The following CEP128 variants were observed in gnomAD, a reference collection of about 807,000 sequenced individuals.
The protein encoded by CEP128 is centrosomal protein 128kDa.
Under a neutral mutation model 156.7 loss-of-function variants are expected in CEP128, and 132 were observed. The observed-to-expected ratio is 0.84, with a 90% CI of 0.73 to 0.97. CEP128 has a LOEUF of 0.97. CEP128 is among the 50% of genes least tolerant of loss of function. CEP128 has a pLI of 0.00. For synonymous variants in CEP128, 469 were observed against 448.9 expected, an observed-to-expected ratio of 1.04 and a Z score of -0.57; for missense variants, 1,252 against 1,281.9, an observed-to-expected ratio of 0.98 and a Z score of 0.36.
intron 19 of CEP128, among the ~76,000 whole-genome samples, chr14:80,678,049 AATATATATATATATG>A (rs1896152892): frequency 2.0e-5 from 2 of 98,502 alleles, no homozygotes; most frequent in Non-Finnish European, 2.6e-5. Context: ...ATAAAAAAAA[AATATATATATATATG>A]TATATATATA....
rs61380662 is a variant in CEP128 at position 80,940,547 on chromosome 14, C to A, written c.-171-1007G>T. Among the ~76,000 whole-genome samples the A allele has an allele frequency of 2.6e-5, 4 of 151,506 alleles. No homozygotes were observed. In the East Asian group the frequency reaches 5.8e-4, roughly 22 times the overall value. Reference sequence around the variant, plus strand: ...TTTAATGTACAGCCAGGCATGGTGGCGAGTGCCTGTAATCCCAGCTACTCC... The same window carrying A: ...TTTAATGTACAGCCAGGCATGGTGGAGAGTGCCTGTAATCCCAGCTACTCC... On this transcript the variant is annotated intron_variant, in intron 1 of 24. Transcript: ENST00000555265.
At chr14:80,877,124 T>C (rs1444225782) in intron 8 of CEP128, among the ~76,000 whole-genome samples, 1 of 152,144 alleles carries the variant, frequency 6.6e-6, no homozygotes, top group Non-Finnish European at 1.5e-5. Context: ...TTAGTTTTGA[T>C]ATTTTAAAGA....
chr14:80,591,838 C>CA (rs1892084485), intron 19 of CEP128, among the ~76,000 whole-genome samples: 1 of 152,150 alleles, frequency 6.6e-6, no homozygotes, highest in Non-Finnish European at 1.5e-5. Context: ...AATTAGAACT[C>CA]AGGATTAAGA....
chr14:80,625,881 T>C (rs543236972), intron 19 of CEP128, among the ~76,000 whole-genome samples: 2 of 152,206 alleles, frequency 1.3e-5, no homozygotes, highest in African/African-American at 4.8e-5. Flanking sequence ...CTTCTTTCTT[T>C]TTGTTACTCT....
At chr14:80,955,247 AAGGC>A in intron 2 of CEP128, 1 of 320,626 alleles carries the variant, frequency 3.1e-6, no homozygotes, top group Non-Finnish European at 6.0e-6. Context: ...GGGTGTCTAG[AAGGC>A]TACACGCTAG....
intron 23 of CEP128, among the ~76,000 whole-genome samples, chr14:80,520,391 C>T (rs1888682953): frequency 1.3e-5 from 2 of 151,546 alleles, no homozygotes; most frequent in Admixed American, 1.3e-4. Flanking sequence ...TGCACTCCAG[C>T]CTGGGTGACA....
At chr14:80,695,283 T>A (rs1896853715) in intron 19 of CEP128, among the ~76,000 whole-genome samples, 1 of 152,164 alleles carries the variant, frequency 6.6e-6, no homozygotes, top group Non-Finnish European at 1.5e-5. Context: ...TCTCCATTTG[T>A]CTAGAGAGAG....
chr14:80,897,787 T>C (rs1889416645), intron 7 of CEP128, among the ~76,000 whole-genome samples: 2 of 152,160 alleles, frequency 1.3e-5, no homozygotes, highest in South Asian at 2.1e-4. Context: ...AAATCAATTT[T>C]TTTTTCCTTT....
chr14:80,952,304 C>A (rs1023661096), intron 2 of CEP128, among the ~76,000 whole-genome samples: 1 of 151,898 alleles, frequency 6.6e-6, no homozygotes. Context: ...TCAAGTTATA[C>A]AAACTATTTT....
chr14:80,679,646 T>C (rs997258662), intron 19 of CEP128, among the ~76,000 whole-genome samples: 1 of 152,196 alleles, frequency 6.6e-6, no homozygotes, highest in African/African-American at 2.4e-5. Context: ...TCAGGAGTTT[T>C]TGATTTTGCC....
At chr14:80,729,601 T>C (rs938159924) in intron 19 of CEP128, among the ~76,000 whole-genome samples, 20 of 152,288 alleles carry the variant, frequency 1.3e-4, no homozygotes, top group African/African-American at 4.8e-4. Flanking sequence ...CTTTAGGGAA[T>C]ATCCGTATTG....
intron 13 of CEP128, among the ~76,000 whole-genome samples, chr14:80,822,302 T>C (rs894146812): frequency 6.6e-6 from 1 of 152,092 alleles, no homozygotes; most frequent in Non-Finnish European, 1.5e-5. Flanking sequence ...CTAGATACAA[T>C]GGGGGTACAG....
intron 19 of CEP128, among the ~76,000 whole-genome samples, chr14:80,648,884 A>G (rs2140838084): frequency 6.6e-6 from 1 of 152,228 alleles, no homozygotes; most frequent in South Asian, 2.1e-4. Flanking sequence ...ACTAGGGAAC[A>G]ATGTTAAAGT....
intron 23 of CEP128, among the ~76,000 whole-genome samples, chr14:80,525,751 A>G (rs909276148): frequency 6.6e-6 from 1 of 152,174 alleles, no homozygotes; most frequent in Non-Finnish European, 1.5e-5. Context: ...AACCTGTCCT[A>G]ATTGTGTTAA....
intron 13 of CEP128, among the ~76,000 whole-genome samples, chr14:80,803,397 G>T (rs185734775): frequency 1.9e-4 from 29 of 148,976 alleles, no homozygotes; most frequent in Admixed American, 3.3e-4. Flanking sequence ...AACAAAAGAA[G>T]TTAATTTAAC....
At chr14:80,557,865 G>A (rs1594998970) in intron 21 of CEP128, among the ~76,000 whole-genome samples, 2 of 151,014 alleles carry the variant, frequency 1.3e-5, no homozygotes, top group South Asian at 2.1e-4. Flanking sequence ...AAATCACTAC[G>A]ACTAAGATAC....
At chr14:80,949,609 G>A (rs527990541) in intron 2 of CEP128, among the ~76,000 whole-genome samples, 27 of 152,072 alleles carry the variant, frequency 1.8e-4, no homozygotes, top group African/African-American at 5.8e-4. Flanking sequence ...GTATTGCCTC[G>A]GGAATGAGGA....
intron 9 of CEP128, among the ~76,000 whole-genome samples, chr14:80,857,215 CTTTT>C (rs34279371): frequency 1.5e-5 from 2 of 137,380 alleles, no homozygotes; most frequent in East Asian, 2.1e-4. Flanking sequence ...GTGGTTTTGG[CTTTT>C]TTTTTTTTTT....
chr14:80,585,382 G>A (rs1009003916), intron 19 of CEP128, among the ~76,000 whole-genome samples: 1 of 152,206 alleles, frequency 6.6e-6, no homozygotes, highest in African/African-American at 2.4e-5. Flanking sequence ...TAGCCAAGAA[G>A]CAGATAGATT....
Sources: allele counts gnomAD v4.1 joint callset (sites outside exome capture counted in the v4.1 genomes callset), GRCh38; gene constraint gnomAD v4.1.1; transcripts MANE v1.5; gene names NCBI Gene and HGNC (gene_info 2026-07-23, HGNC 2026-07-21).